The following DPP6 variants were observed in gnomAD, a reference collection of about 807,000 sequenced individuals.
The protein encoded by DPP6 is dipeptidyl peptidase like 6, also known as A-type potassium channel modulatory protein DPP6.
A neutral mutation model predicts 122.6 loss-of-function variants in DPP6; 69 were observed. The ratio of observed to expected loss-of-function variants is 0.56; its 90% CI spans 0.46 to 0.69. DPP6 has a LOEUF of 0.69. Among genes scored for constraint, DPP6 ranks in the 30% least tolerant of loss-of-function variants. The pLI, the probability that DPP6 is intolerant of heterozygous loss-of-function variation, is 0.00. For synonymous variants in DPP6, 418 were observed against 433.1 expected (o/e 0.97, Z 0.43); for missense variants, 928 against 1,116.9 (o/e 0.83, Z 2.41).
intron 16 of DPP6, among the ~76,000 whole-genome samples, chr7:154,837,222 G>GCACA (rs543706657): frequency 6.8e-6 from 1 of 147,088 alleles, no homozygotes; most frequent in South Asian, 2.1e-4. Flanking sequence ...GCACACACAT[G>GCACA]CACACACACA....
chr7:154,298,290 T>A (rs1308661778), intron 1 of DPP6, among the ~76,000 whole-genome samples: 1 of 95,472 alleles, frequency 1.0e-5, no homozygotes, highest in Non-Finnish European at 2.4e-5. Flanking sequence ...ATACACACAC[T>A]ATTGGTTGTG....
chr7:154,349,903 T>C (rs1412093241), intron 1 of DPP6, among the ~76,000 whole-genome samples: 5 of 152,258 alleles, frequency 3.3e-5, no homozygotes, highest in African/African-American at 7.2e-5. Context: ...GACTCACTTA[T>C]GTATTTTTCA....
chr7:154,701,214 G>A (rs1387910341), intron 7 of DPP6, among the ~76,000 whole-genome samples: 2 of 152,084 alleles, frequency 1.3e-5, no homozygotes, highest in African/African-American at 4.8e-5. Flanking sequence ...CAGTCTTCCT[G>A]TCCCGCTTTG....
intron 5 of DPP6, among the ~76,000 whole-genome samples, chr7:154,568,713 C>A (rs558373457): frequency 1.3e-5 from 2 of 152,210 alleles, no homozygotes; most frequent in East Asian, 3.9e-4. Flanking sequence ...TAAACAGGAA[C>A]CTTGAAATAA....
intron 7 of DPP6, among the ~76,000 whole-genome samples, chr7:154,671,264 G>C (rs1838535091): frequency 6.6e-6 from 1 of 152,128 alleles, no homozygotes; most frequent in African/African-American, 2.4e-5. Context: ...CCTCCATAGA[G>C]AGCTCTCCCT....
intron 4 of DPP6, among the ~76,000 whole-genome samples, chr7:154,543,909 G>A (rs564939141): frequency 4.0e-4 from 58 of 146,314 alleles, no homozygotes; most frequent in African/African-American, 1.4e-3. Flanking sequence ...CAAGAGAAAC[G>A]CTTGAACCTG....
intron 1 of DPP6, among the ~76,000 whole-genome samples, chr7:153,984,958 C>A (rs1018906962): frequency 6.6e-6 from 1 of 152,148 alleles, no homozygotes; most frequent in Admixed American, 6.5e-5. Context: ...GATAAAGTGG[C>A]CAATGTGTCT....
At chr7:154,787,497 G>A (rs183511699) in intron 10 of DPP6, among the ~76,000 whole-genome samples, 2 of 152,282 alleles carry the variant, frequency 1.3e-5, no homozygotes, top group East Asian at 1.9e-4. Flanking sequence ...GGTGGTTCCA[G>A]AAATACGCTT....
At position 154,016,657 on chromosome 7, in the gene DPP6, T is replaced by C. The variant is rs140919118; in HGVS notation, c.51+128923T>C. ...CAGATATATCTTCAACATACTGATT[T>C]GCTCTATTTTGGATATATACCCAGC... On this transcript the variant is annotated intron_variant, in intron 1 of 25. Coordinates refer to the DPP6 transcript ENST00000404039. Among the ~76,000 whole-genome samples, 270 of 152,324 alleles carry C rather than the reference T, an allele frequency of 1.8e-3. 2 individuals carry two copies. Among genetic ancestry groups the C allele is most frequent in the African/African-American group, 6.2e-3 (258 of 41,550 alleles).
chr7:154,711,818 C>T (rs1050234310), intron 7 of DPP6, among the ~76,000 whole-genome samples: 3 of 151,982 alleles, frequency 2.0e-5, no homozygotes, highest in Non-Finnish European at 4.4e-5. Flanking sequence ...GTAATTAGCC[C>T]CCTCTTTAGC....
chr7:154,683,161 GT>G (rs1366546123), intron 7 of DPP6, among the ~76,000 whole-genome samples: 1 of 152,112 alleles, frequency 6.6e-6, no homozygotes, highest in African/African-American at 2.4e-5. Context: ...TTTGAAATAT[GT>G]TTTAATTTCC....
intron 1 of DPP6, among the ~76,000 whole-genome samples, chr7:153,891,662 G>A (rs150112810): frequency 7.2e-5 from 11 of 152,254 alleles, no homozygotes; most frequent in African/African-American, 2.6e-4. Flanking sequence ...GTGTTGCTTC[G>A]TGCTGAATTC....
At chr7:154,318,719 T>C (rs1336355514) in intron 1 of DPP6, among the ~76,000 whole-genome samples, 1 of 152,250 alleles carries the variant, frequency 6.6e-6, no homozygotes, top group Non-Finnish European at 1.5e-5. Flanking sequence ...GATGTATTTC[T>C]TTCTTTCTTG....
At chr7:154,401,677 A>G (rs1815611494) in intron 1 of DPP6, among the ~76,000 whole-genome samples, 1 of 152,242 alleles carries the variant, frequency 6.6e-6, no homozygotes, top group Non-Finnish European at 1.5e-5. Flanking sequence ...CATTCAGGAC[A>G]TAGGCATGGG....
intron 3 of DPP6, among the ~76,000 whole-genome samples, chr7:154,513,728 C>A (rs1826264544): frequency 6.6e-6 from 1 of 152,142 alleles, no homozygotes; most frequent in Admixed American, 6.5e-5. Flanking sequence ...GTCAACACAG[C>A]AAGATAGCTT....
chr7:154,761,497 G>A (rs969121936), intron 8 of DPP6, among the ~76,000 whole-genome samples: 6 of 136,214 alleles, frequency 4.4e-5, no homozygotes, highest in Admixed American at 7.4e-5. Context: ...AGAAATCCCC[G>A]AGACTGGGTA....
intron 1 of DPP6, among the ~76,000 whole-genome samples, chr7:154,061,274 T>A (rs1287122488): frequency 6.7e-6 from 1 of 149,136 alleles, no homozygotes; most frequent in African/African-American, 2.4e-5. Context: ...AACAGCAAGT[T>A]TTTCATGAGT....
chr7:154,608,901 T>C (rs1429388139), intron 5 of DPP6, among the ~76,000 whole-genome samples: 1 of 152,182 alleles, frequency 6.6e-6, no homozygotes, highest in East Asian at 1.9e-4. Flanking sequence ...TTCAGGTAGA[T>C]GGAATTTTCT....
chr7:154,144,939 C>A (rs964524065), intron 1 of DPP6, among the ~76,000 whole-genome samples: 1 of 151,454 alleles, frequency 6.6e-6, no homozygotes, highest in Non-Finnish European at 1.5e-5. Context: ...AGTTAAATTT[C>A]TGTTAAGACT....
Sources: gnomAD v4.1 joint callset for allele counts (sites outside exome capture counted in the v4.1 genomes callset) on GRCh38, gnomAD v4.1.1 for gene constraint, MANE v1.5 for transcripts, NCBI Gene and HGNC (gene_info 2026-07-23, HGNC 2026-07-21) for gene names.